Variants in WWP2 observed in about 807,000 individuals in gnomAD.
WWP2 encodes NEDD4-like E3 ubiquitin-protein ligase WWP2.
A neutral mutation model predicts 121.0 loss-of-function variants in WWP2; 57 were observed. The ratio of observed to expected loss-of-function variants is 0.47; its 90% CI spans 0.38 to 0.59. The LOEUF is 0.59. Ranked by LOEUF, WWP2 falls within the 20% of genes least tolerant of loss-of-function variation. The probability of loss-of-function intolerance (pLI) is 0.00; values close to 1 mark genes in which losing one functional copy is unlikely to be tolerated. For missense variants in WWP2, 962 were observed against 1,158.9 expected (o/e 0.83, Z 2.47); for synonymous variants, 449 against 441.3 (o/e 1.02, Z -0.22).
intron 4 of WWP2, among the ~76,000 whole-genome samples, chr16:69,835,855 TGTG>T (rs1237140377): frequency 6.7e-6 from 1 of 150,362 alleles, no homozygotes; most frequent in Admixed American, 6.7e-5. Context: ...CAGGCTGGAA[TGTG>T]GTGGCACGAT....
intron 7 of WWP2, among the ~76,000 whole-genome samples, chr16:69,872,457 C>A (rs958057788): frequency 6.6e-6 from 1 of 152,174 alleles, no homozygotes; most frequent in Non-Finnish European, 1.5e-5. Flanking sequence ...ACCTTGTGAT[C>A]GCCCGTCTTG....
chr16:69,931,786 T>C lies in WWP2; in HGVS notation c.1594-16T>C. On this transcript the variant is annotated splice_polypyrimidine_tract_variant and intron_variant, in intron 15 of 23. Transcript: ENST00000359154. Reference sequence around the variant, plus strand: ...AAGGGAGAGTGGCAGGCTGGCCCGATGCTCTGTCTTCCCAGATCATGAACA... The same window carrying C: ...AAGGGAGAGTGGCAGGCTGGCCCGACGCTCTGTCTTCCCAGATCATGAACA... 4 of 1,613,332 alleles carry C rather than the reference T, an allele frequency of 2.5e-6. No individual in the cohort carries two copies. Among genetic ancestry groups the C allele is most frequent in the Non-Finnish European group, 3.4e-6 (4 of 1,179,828 alleles).
At chr16:69,795,265 CA>C (rs1567669617) in intron 2 of WWP2, among the ~76,000 whole-genome samples, 15 of 150,696 alleles carry the variant, frequency 1.0e-4, no homozygotes, top group African/African-American at 2.7e-4. Context: ...CGGATACACA[CA>C]CACACACACA....
At chr16:69,852,096 T>C (rs892365544) in intron 6 of WWP2, among the ~76,000 whole-genome samples, 2 of 152,208 alleles carry the variant, frequency 1.3e-5, no homozygotes, top group African/African-American at 4.8e-5. Flanking sequence ...AAGAAACTGC[T>C]AAACTGTTTT....
intron 4 of WWP2, among the ~76,000 whole-genome samples, chr16:69,839,795 G>A (rs576324233): frequency 6.6e-5 from 10 of 152,236 alleles, no homozygotes; most frequent in African/African-American, 2.4e-4. Context: ...TAATTTCTTC[G>A]TCTGTACGCC....
rs1448107563 is a variant in WWP2, at chr16:69,925,359, TATTG to T, written c.1180-59_1180-56del. 1.3e-6 allele frequency: 2 copies of T among 1,588,274 alleles called. No individual in the cohort carries two copies. Among genetic ancestry groups the T allele is most frequent in the South Asian group, 1.1e-5 (1 of 88,656 alleles). ...GCCAGTCATTGGCATTTTTATTTTT[TATTG>T]ATTGATTGATTTTTTCACCAGTGGC... On this transcript the variant is annotated intron_variant, in intron 10 of 23. Coordinates refer to ENST00000359154, the MANE Select transcript of WWP2 (RefSeq NM_001270454.2). The surrounding 1 kb of genome is among the most constrained non-coding windows in gnomAD (Gnocchi z 4.0).
intron 4 of WWP2, among the ~76,000 whole-genome samples, chr16:69,817,783 C>T (rs113912441): frequency 9.2e-5 from 14 of 151,354 alleles, no homozygotes; most frequent in African/African-American, 2.9e-4. Flanking sequence ...CTCAGCCTTC[C>T]GAGTAGCTGA....
intron 6 of WWP2, among the ~76,000 whole-genome samples, chr16:69,857,655 CT>C (rs1166811815): frequency 0.056 from 4,042 of 72,136 alleles, 36 homozygotes; most frequent in Middle Eastern, 0.11. Context: ...AAGGTCAACT[CT>C]TTTTTTTTTT....
intron 4 of WWP2, among the ~76,000 whole-genome samples, chr16:69,827,686 C>T (rs955794848): frequency 5.3e-5 from 8 of 152,120 alleles, no homozygotes; most frequent in Non-Finnish European, 1.2e-4. Flanking sequence ...CTGAGAGAGG[C>T]GGTTGTGGCC....
intron 6 of WWP2, among the ~76,000 whole-genome samples, chr16:69,850,305 T>G (rs1007921374): frequency 6.7e-6 from 1 of 149,344 alleles, no homozygotes; most frequent in Non-Finnish European, 1.5e-5. Flanking sequence ...GAGAATGGTG[T>G]GAACCCAGGA....
chr16:69,790,197 A>G (rs972146323), intron 2 of WWP2, among the ~76,000 whole-genome samples: 5 of 152,168 alleles, frequency 3.3e-5, no homozygotes, highest in African/African-American at 1.2e-4. Context: ...CTGTGAGCCG[A>G]GACCACACCA....
At chr16:69,809,160 C>G (rs531408729) in intron 4 of WWP2, among the ~76,000 whole-genome samples, 1 of 152,316 alleles carries the variant, frequency 6.6e-6, no homozygotes, top group East Asian at 1.9e-4. Flanking sequence ...GGGTAGCAGG[C>G]AAATCAGATC....
At chr16:69,808,409 T>A (rs991746689) in intron 4 of WWP2, among the ~76,000 whole-genome samples, 1 of 151,968 alleles carries the variant, frequency 6.6e-6, no homozygotes, top group Non-Finnish European at 1.5e-5. Context: ...TTTTTATTTT[T>A]ATTTTTTTTG....
chr16:69,884,972 T>C lies in WWP2; in HGVS notation c.704-3067T>C, dbSNP rs905546383. On this transcript the variant is annotated intron_variant, in intron 7 of 23. Transcript: ENST00000359154. ...ATTATTTAAGCCTATTTCTGAACTT[T>C]CTTATTAATTGACACTTGCCTATTC... is the stretch of plus-strand genomic sequence containing the variant. Among the ~76,000 whole-genome samples the C allele has an allele frequency of 1.6e-4, 24 of 152,328 alleles. 1 individual carries two copies. The highest frequency in any genetic ancestry group is 1.2e-3 in the Admixed American group (19 of 15,288).
chr16:69,826,650 C>T (rs1327355580), intron 4 of WWP2, among the ~76,000 whole-genome samples: 3 of 144,980 alleles, frequency 2.1e-5, no homozygotes, highest in Non-Finnish European at 3.0e-5. Flanking sequence ...GAGGCCGAGG[C>T]GGGTGGATCA....
chr16:69,861,645 CTT>C (rs11390043), intron 6 of WWP2, among the ~76,000 whole-genome samples: 4 of 136,058 alleles, frequency 2.9e-5, no homozygotes, highest in Non-Finnish European at 1.6e-5. Flanking sequence ...CCGCCCTCTC[CTT>C]TTTTTTTTTT....
chr16:69,806,706 TATC>T (rs1395205043), intron 4 of WWP2, among the ~76,000 whole-genome samples: 3 of 152,216 alleles, frequency 2.0e-5, no homozygotes, highest in African/African-American at 7.2e-5. Flanking sequence ...GGGTTTTAAA[TATC>T]ATTCTCAGTT....
At chr16:69,801,428 G>T (rs2056164319) in intron 4 of WWP2, among the ~76,000 whole-genome samples, 1 of 151,836 alleles carries the variant, frequency 6.6e-6, no homozygotes, top group South Asian at 2.1e-4. Flanking sequence ...TAGAGAGTAG[G>T]TCTCACTATG....
At chr16:69,805,565 C>T (rs1555547780) in intron 4 of WWP2, among the ~76,000 whole-genome samples, 1 of 151,140 alleles carries the variant, frequency 6.6e-6, no homozygotes, top group Non-Finnish European at 1.5e-5. Context: ...GACTGGGAAT[C>T]TTTTTGATTT....
Sources: allele counts gnomAD v4.1 joint callset (sites outside exome capture counted in the v4.1 genomes callset), GRCh38; gene constraint gnomAD v4.1.1; non-coding constraint Gnocchi (gnomAD v3.1); transcripts MANE v1.5; gene names NCBI Gene and HGNC (gene_info 2026-07-23, HGNC 2026-07-21).